The following RGS5 variants were observed in gnomAD, a reference collection of about 807,000 sequenced individuals.
The protein encoded by RGS5 is regulator of G-protein signalling 5.
RGS5 carries 20 observed loss-of-function variants against 18.9 expected under a neutral mutation model. The observed-to-expected ratio is 1.06, with a 90% CI of 0.74 to 1.54. The LOEUF is 1.54. Ranked by LOEUF, RGS5 falls within the 40% of genes most tolerant of loss-of-function variation. The pLI, the probability that RGS5 is intolerant of heterozygous loss-of-function variation, is 0.00. For synonymous variants in RGS5, 57 were observed against 76.2 expected, an observed-to-expected ratio of 0.75 and a Z score of 1.31; for missense variants, 201 against 211.8, an observed-to-expected ratio of 0.95 and a Z score of 0.32.
At chr1:163,271,609 T>C (rs919373881) in intron 2 of RGS5, among the ~76,000 whole-genome samples, 1 of 152,178 alleles carries the variant, frequency 6.6e-6, no homozygotes, top group Non-Finnish European at 1.5e-5. Flanking sequence ...GACATCAATG[T>C]TGTAGCATGT....
At chr1:163,291,284 G>T (rs1344570887) in intron 2 of RGS5, among the ~76,000 whole-genome samples, 2 of 152,124 alleles carry the variant, frequency 1.3e-5, no homozygotes, top group East Asian at 1.9e-4. Flanking sequence ...GGCGGGCAGG[G>T]GGGTATCTAT....
chr1:163,171,681 G>C (rs1186274776), intron 1 of RGS5, among the ~76,000 whole-genome samples: 1 of 152,114 alleles, frequency 6.6e-6, no homozygotes, highest in Non-Finnish European at 1.5e-5. Context: ...GAGATTAAGG[G>C]ATAATTAGAA....
At chr1:163,181,967 C>T (rs1658869282) in intron 1 of RGS5, among the ~76,000 whole-genome samples, 1 of 152,020 alleles carries the variant, frequency 6.6e-6, no homozygotes, top group Admixed American at 6.6e-5. Context: ...GAATTTCTAA[C>T]TCATAGATAT....
At chr1:163,249,782 C>T (rs1457601948) in intron 2 of RGS5, among the ~76,000 whole-genome samples, 1 of 152,112 alleles carries the variant, frequency 6.6e-6, no homozygotes, top group Non-Finnish European at 1.5e-5. Flanking sequence ...CAGAGCAAGA[C>T]TCCATCTCAA....
At chr1:163,279,810 A>C (rs1461994354) in intron 2 of RGS5, among the ~76,000 whole-genome samples, 1 of 152,022 alleles carries the variant, frequency 6.6e-6, no homozygotes, top group Non-Finnish European at 1.5e-5. Context: ...TAAAATCAGA[A>C]ATGAAAAAGG....
At chr1:163,268,486 C>T (rs917369021) in intron 2 of RGS5, among the ~76,000 whole-genome samples, 1 of 152,044 alleles carries the variant, frequency 6.6e-6, no homozygotes, top group Non-Finnish European at 1.5e-5. Context: ...ACTGTTCCAC[C>T]GAGGGCTAGC....
intron 2 of RGS5, among the ~76,000 whole-genome samples, chr1:163,247,388 C>T (rs1167792234): frequency 6.6e-6 from 1 of 152,018 alleles, no homozygotes; most frequent in Non-Finnish European, 1.5e-5. Context: ...TGTTTCTAAC[C>T]GTATTATCTG....
At chr1:163,297,812 C>T (rs1649458657) in intron 2 of RGS5, among the ~76,000 whole-genome samples, 2 of 151,842 alleles carry the variant, frequency 1.3e-5, no homozygotes, top group Non-Finnish European at 2.9e-5. Flanking sequence ...AAATATATTC[C>T]CAATAGTTTC....
intron 2 of RGS5, among the ~76,000 whole-genome samples, chr1:163,290,297 T>C (rs901048916): frequency 2.0e-5 from 3 of 152,168 alleles, no homozygotes; most frequent in Non-Finnish European, 4.4e-5. Flanking sequence ...TTAAAGTCAC[T>C]CCTTGTTTGT....
At chr1:163,268,558 C>T (rs1404794354) in intron 2 of RGS5, among the ~76,000 whole-genome samples, 1 of 152,032 alleles carries the variant, frequency 6.6e-6, no homozygotes, top group Non-Finnish European at 1.5e-5. Context: ...CCTACCAATC[C>T]AGAACCCACA....
chr1:163,220,036 T>C (rs930981224), upstream of RGS5, among the ~76,000 whole-genome samples: 2 of 152,222 alleles, frequency 1.3e-5, no homozygotes, highest in Non-Finnish European at 2.9e-5. Context: ...CAGCAATCTA[T>C]AAAACTTTCA....
At chr1:163,147,561 G>T (rs3768560) in intron 4 of RGS5, 58 bp from the exon 5 acceptor site, 544,910 of 1,397,644 alleles carry the variant, frequency 0.39, 109,397 homozygotes, top group Admixed American at 0.53. Flanking sequence ...TTGATGAGGG[G>T]TGAAGAGGGA....
At chr1:163,216,001 G>T (rs989598423) in intron 1 of RGS5, among the ~76,000 whole-genome samples, 3 of 152,140 alleles carry the variant, frequency 2.0e-5, no homozygotes, top group Admixed American at 6.5e-5. Flanking sequence ...GTTTGCCAGA[G>T]TCAGGCAGAA....
rs552618967 is a variant in RGS5 at position 163,170,571 on chromosome 1, GA to G, written c.45-2204del. Among the ~76,000 whole-genome samples, 7 of 151,774 alleles carry G rather than the reference GA, an allele frequency of 4.6e-5. No homozygotes were observed. The East Asian group carries it at 7.8e-4, about 17-fold the overall frequency. On this transcript the variant is annotated intron_variant, in intron 1 of 4. Transcript: ENST00000313961. Reference sequence around the variant, plus strand: ...AAGATTTGCAGTTACGGATATTAGGGAAAAAAAATGTAAGGAAACCTGTGGT... The same window carrying G: ...AAGATTTGCAGTTACGGATATTAGGGAAAAAAATGTAAGGAAACCTGTGGT...
Position 163,152,656 on chromosome 1 carries a change from A to G in RGS5, c.278T>C (p.Phe93Ser). 6.2e-7 allele frequency: 1 copy of G among 1,612,416 alleles called. No individual in the cohort carries two copies. The highest frequency in any genetic ancestry group is 2.2e-5 in the East Asian group (1 of 44,846). ...CTTGTAATCCTCACAGGCAATCCAG[A>G]ACTCAAGGTTTTCCTCACTGAATTC... Reference protein sequence around the residue: ...KSEFSEENLEFWIACEDYKKI... With the variant: ...KSEFSEENLESWIACEDYKKI... The change falls in exon 4 of 5, where the codon TTC (phenylalanine) becomes TCC (serine). Residue 93 changes from phenylalanine to serine, a missense_variant. Physicochemically the swap from Phe to Ser is radical, Grantham distance 155. Transcript: ENST00000313961.
intron 3 of RGS5, among the ~76,000 whole-genome samples, chr1:163,153,027 C>T (rs536140974): frequency 1.3e-5 from 2 of 152,240 alleles, no homozygotes; most frequent in East Asian, 3.9e-4. Flanking sequence ...AAGTGACAAA[C>T]GTTTACCTAT....
chr1:163,288,919 G>A (rs1002385686), intron 2 of RGS5, among the ~76,000 whole-genome samples: 3 of 152,096 alleles, frequency 2.0e-5, no homozygotes, highest in East Asian at 1.9e-4. Flanking sequence ...AGACTCCTCT[G>A]ACAATTCTCA....
At chr1:163,161,824 T>G in intron 3 of RGS5, 91 bp downstream of exon 3, 1 of 957,788 alleles carries the variant, frequency 1.0e-6, no homozygotes, top group Non-Finnish European at 1.6e-6. Flanking sequence ...ATGTCAACAT[T>G]GGGGAAGAAG....
chr1:163,161,395 G>A (rs898298577), intron 3 of RGS5, among the ~76,000 whole-genome samples: 4 of 152,126 alleles, frequency 2.6e-5, no homozygotes, highest in African/African-American at 9.7e-5. Context: ...GTCATTTCTT[G>A]AATTAAGATG....
Sources: gnomAD v4.1 joint callset for allele counts (sites outside exome capture counted in the v4.1 genomes callset) on GRCh38, gnomAD v4.1.1 for gene constraint, MANE v1.5 for transcripts, NCBI Gene and HGNC (gene_info 2026-07-23, HGNC 2026-07-21) for gene names.